Variants in CCDC57 observed in about 807,000 individuals in gnomAD.
CCDC57 encodes coiled-coil domain containing 57.
CCDC57 carries 118 observed loss-of-function variants against 118.9 expected under a neutral mutation model. The observed-to-expected ratio is 0.99, with a 90% CI of 0.86 to 1.16. CCDC57 has a LOEUF of 1.16. Among genes scored for constraint, CCDC57 ranks in the 50% most tolerant of loss-of-function variants. The pLI is 0.00. For synonymous variants in CCDC57, 527 were observed against 532.9 expected (o/e 0.99, Z 0.15); for missense variants, 1,300 against 1,320.7 (o/e 0.98, Z 0.24).
At chr17:82,202,461 A>C (rs4072580) in intron 2 of CCDC57, among the ~76,000 whole-genome samples, 114,242 of 150,806 alleles carry the variant, frequency 0.76, 43,895 homozygotes, top group East Asian at 0.93. Context: ...AATAAACAAA[A>C]AAAAAAGGCC....
chr17:82,128,660 G>C, intron 17 of CCDC57, 63 bp from the exon 17 acceptor site: 3 of 1,293,752 alleles, frequency 2.3e-6, no homozygotes, highest in Non-Finnish European at 3.3e-6. Flanking sequence ...GCATGTCAGT[G>C]AGTTTTCCCA....
intron 3 of CCDC57, among the ~76,000 whole-genome samples, chr17:82,198,796 C>G (rs562657997): frequency 1.6e-4 from 25 of 151,800 alleles, no homozygotes; most frequent in African/African-American, 5.3e-4. Context: ...CGAGAGCATC[C>G]TGGCTAACAC....
At chr17:82,202,849 TA>T (rs1280700754) in intron 2 of CCDC57, among the ~76,000 whole-genome samples, 1 of 152,154 alleles carries the variant, frequency 6.6e-6, no homozygotes, top group East Asian at 1.9e-4. Flanking sequence ...CTAGGTTCTA[TA>T]AAATAGCTTC....
intron 19 of CCDC57, chr17:82,113,593 G>A (rs1275599394): frequency 1.4e-6 from 1 of 717,606 alleles, no homozygotes; most frequent in Admixed American, 2.0e-5. Context: ...GAGCCCACGT[G>A]CTCCTTACCA....
chr17:82,207,433 A>T (rs1197051795), intron 2 of CCDC57: 1 of 152,156 alleles, frequency 6.6e-6, no homozygotes, highest in African/African-American at 2.4e-5. Flanking sequence ...CTGGGGTAAC[A>T]TCACTATTGT....
Position 82,126,443 on chromosome 17 carries a change from C to T in CCDC57, c.2899+1249G>A, listed in dbSNP as rs1443454704. On this transcript the variant is annotated intron_variant, in intron 19 of 19. Coordinates refer to ENST00000665763, the Ensembl canonical transcript of CCDC57. ...GTCACCGAAAAGGCCTAATTTCTAT[C>T]ACATATAATGAGCTGCTACAAATCA... is the stretch of plus-strand genomic sequence containing the variant. 6 of 980,246 alleles carry T rather than the reference C, an allele frequency of 6.1e-6. No individual in the cohort carries two copies. The East Asian group carries it at 4.5e-4, about 74-fold the overall frequency. The allele number at this position is 980,246 out of a possible 1,614,324, so 60.7% of individuals were successfully genotyped here. A position where few individuals can be genotyped will look rare whatever the true frequency, so the allele number is the denominator to read the frequency against.
chr17:82,106,472 T>G (rs1598608581), intron 19 of CCDC57: 2 of 152,510 alleles, frequency 1.3e-5, no homozygotes, highest in African/African-American at 4.8e-5. Flanking sequence ...GCTGAGACGG[T>G]GAGAGCCAGG....
chr17:82,195,208 A>G, intron 5 of CCDC57, 55 bp downstream of exon 4: 1 of 1,328,314 alleles, frequency 7.5e-7, no homozygotes, highest in Non-Finnish European at 1.1e-6. Flanking sequence ...GAGCCACCAC[A>G]CCTGACCAAG....
chr17:82,102,742 G>A (rs577066413), intron 19 of CCDC57, among the ~76,000 whole-genome samples: 18 of 152,146 alleles, frequency 1.2e-4, no homozygotes, highest in African/African-American at 2.6e-4. Context: ...AAAATTAGCC[G>A]GGCACGGTGG....
chr17:82,138,894 G>A (rs183543662), intron 16 of CCDC57, among the ~76,000 whole-genome samples: 56 of 152,310 alleles, frequency 3.7e-4, no homozygotes, highest in African/African-American at 1.2e-3. Context: ...CGTCACTGCC[G>A]TTACGTTAAC....
chr17:82,198,262 C>G, intron 4 of CCDC57, 52 bp downstream of exon 3: 1 of 1,065,792 alleles, frequency 9.4e-7, no homozygotes, highest in South Asian at 1.3e-5. Flanking sequence ...TTCAGTTTCA[C>G]AGTGGGCAGG....
intron 19 of CCDC57, chr17:82,113,637 C>T (rs1407608293): frequency 1.4e-6 from 1 of 717,440 alleles, no homozygotes; most frequent in South Asian, 1.5e-5. Flanking sequence ...GGGTGAAGGG[C>T]TCCACTCCAC....
chr17:82,171,916 T>A (rs1369948207), intron 12 of CCDC57, 63 bp from the exon 12 acceptor site: 1 of 1,560,664 alleles, frequency 6.4e-7, no homozygotes, highest in African/African-American at 1.4e-5. Context: ...CTCCCTCCTG[T>A]GAGCACCAGC....
intron 16 of CCDC57, among the ~76,000 whole-genome samples, chr17:82,148,600 A>G (rs1598913738): frequency 1.7e-5 from 1 of 57,302 alleles, no homozygotes; most frequent in Non-Finnish European, 3.2e-5. Context: ...TGGTAGATGG[A>G]TAGATGGATG....
intron 15 of CCDC57, chr17:82,153,715 C>T (rs1345112005): frequency 6.6e-6 from 1 of 152,274 alleles, no homozygotes; most frequent in Non-Finnish European, 1.5e-5. Context: ...GTCTTCACCA[C>T]TGTGTGCTCC....
At chr17:82,141,164 C>T (rs1456613992) in intron 16 of CCDC57, among the ~76,000 whole-genome samples, 2 of 146,744 alleles carry the variant, frequency 1.4e-5, no homozygotes, top group Non-Finnish European at 3.0e-5. Flanking sequence ...GCACGTGCCA[C>T]CACGCCCGGC....
chr17:82,206,985 AC>A (rs545666162), intron 2 of CCDC57, among the ~76,000 whole-genome samples: 45 of 151,930 alleles, frequency 3.0e-4, no homozygotes, highest in Non-Finnish European at 5.6e-4. Flanking sequence ...CCCGAAACAA[AC>A]CCCCTTTTTG....
At chr17:82,141,518 C>T (rs1359140067) in intron 16 of CCDC57, among the ~76,000 whole-genome samples, 1 of 152,104 alleles carries the variant, frequency 6.6e-6, no homozygotes, top group African/African-American at 2.4e-5. Flanking sequence ...TTTTAAAAGT[C>T]AATCTGAAAT....
At chr17:82,105,527 G>A (rs1262210248) in intron 19 of CCDC57, among the ~76,000 whole-genome samples, 1 of 152,124 alleles carries the variant, frequency 6.6e-6, no homozygotes, top group Non-Finnish European at 1.5e-5. Flanking sequence ...CCCCACGCCT[G>A]GGAGGCTCAC....
Sources: gnomAD v4.1 joint callset for allele counts (sites outside exome capture counted in the v4.1 genomes callset) on GRCh38, gnomAD v4.1.1 for gene constraint, MANE v1.5 for transcripts, NCBI Gene and HGNC (gene_info 2026-07-23, HGNC 2026-07-21) for gene names.